KLF15: variants seen among roughly 807,000 people sequenced by gnomAD.
The protein encoded by KLF15 is KLF transcription factor 15.
KLF15 carries 4 observed loss-of-function variants against 24.6 expected under a neutral mutation model. The observed-to-expected ratio is 0.16, with a 90% confidence interval of 0.08 to 0.37. The LOEUF (loss-of-function observed/expected upper bound fraction) is 0.37. Ranked by LOEUF, KLF15 falls within the 10% of genes least tolerant of loss-of-function variation. KLF15 has a pLI of 1.00. For missense variants in KLF15, 496 were observed against 560.6 expected, an observed-to-expected ratio of 0.88 and a Z score of 1.16; for synonymous variants, 246 against 236.3, an observed-to-expected ratio of 1.04 and a Z score of -0.37.
At chr3:126,310,965 C>G in the KLF15 span, among the ~76,000 whole-genome samples, 2 of 152,130 alleles carry the variant, frequency 1.3e-5, no homozygotes, top group Non-Finnish European at 2.9e-5. Flanking sequence ...TCCCACTTGT[C>G]CATCGCCACC....
chr3:126,330,302 T>G, the KLF15 span, among the ~76,000 whole-genome samples: 2 of 152,334 alleles, frequency 1.3e-5, no homozygotes, highest in Non-Finnish European at 1.5e-5. Context: ...CAGGACTGTT[T>G]CAGAGCACTG....
At position 126,352,945 on chromosome 3, in the gene KLF15, C is replaced by T. The variant is rs369552179; in HGVS notation, c.-23G>A. ...CATGCTGGCCTGGCCGTGCCGGTGG[C>T]GGCTGCAGGAAAGGAACACAGGAGG... On this transcript the variant is annotated splice_region_variant and 5_prime_UTR_variant, in exon 2 of 3. Coordinates refer to ENST00000296233, the MANE Select transcript of KLF15 (RefSeq NM_014079.4). 25 of 1,573,678 alleles carry T rather than the reference C, an allele frequency of 1.6e-5. No individual in the cohort carries two copies. In the Middle Eastern group the frequency reaches 1.4e-3, roughly 86 times the overall value.
At chr3:126,297,245 C>T in the KLF15 span, among the ~76,000 whole-genome samples, 4 of 151,866 alleles carry the variant, frequency 2.6e-5, no homozygotes, top group Non-Finnish European at 5.9e-5. Context: ...CAGCCTTATT[C>T]ATCTTTATGC....
intron 1 of KLF15, chr3:126,354,235 A>G (rs2082612609): frequency 6.6e-6 from 1 of 152,296 alleles, no homozygotes; most frequent in African/African-American, 2.4e-5. Flanking sequence ...CACCTCTGTG[A>G]ACCTTTGTCC....
the KLF15 span, among the ~76,000 whole-genome samples, chr3:126,309,957 G>C: frequency 6.6e-6 from 1 of 152,216 alleles, no homozygotes; most frequent in African/African-American, 2.4e-5. Context: ...CGTTTGTCCC[G>C]CAAAAATGGA....
chr3:126,339,481 AGGAGTGTTTGAATGCTGC>A (rs2082463430), downstream of KLF15, among the ~76,000 whole-genome samples: 2 of 152,030 alleles, frequency 1.3e-5, no homozygotes, highest in South Asian at 4.1e-4. Context: ...TGCACTTTCC[AGGAGTGTTTGAATGCTGC>A]TCTCTTTGCC....
chr3:126,326,711 G>T, the KLF15 span, among the ~76,000 whole-genome samples: 1 of 152,180 alleles, frequency 6.6e-6, no homozygotes, highest in Admixed American at 6.5e-5. Context: ...GCTGAGGAGT[G>T]CTGGCAGAGG....
At chr3:126,291,710 G>A in the KLF15 span, among the ~76,000 whole-genome samples, 4 of 152,380 alleles carry the variant, frequency 2.6e-5, no homozygotes, top group East Asian at 7.7e-4. Flanking sequence ...TCTGTGACCA[G>A]GACTCTGCCA....
At chr3:126,342,542 C>G (rs1478217848), downstream of KLF15, 1 of 152,436 alleles carries the variant, frequency 6.6e-6, no homozygotes, top group Non-Finnish European at 1.5e-5. Flanking sequence ...AACAGAGTTC[C>G]CTGAACTCTG....
At chr3:126,349,916 G>T (rs1185274607) in intron 2 of KLF15, among the ~76,000 whole-genome samples, 1 of 152,194 alleles carries the variant, frequency 6.6e-6, no homozygotes, top group Non-Finnish European at 1.5e-5. Context: ...TGCCTTCAGG[G>T]TTCCTCCTCA....
downstream of KLF15, among the ~76,000 whole-genome samples, chr3:126,338,963 C>G (rs2082458598): frequency 6.6e-6 from 1 of 152,222 alleles, no homozygotes; most frequent in Non-Finnish European, 1.5e-5. Flanking sequence ...CGGCTGGGTT[C>G]TGAGAACAGC....
chr3:126,318,987 C>A, the KLF15 span, among the ~76,000 whole-genome samples: 1 of 152,190 alleles, frequency 6.6e-6, no homozygotes, highest in Non-Finnish European at 1.5e-5. Context: ...CCACTGGAAA[C>A]CACTGATCTG....
chr3:126,353,128 G>A (rs575942087), intron 1 of KLF15, among the ~76,000 whole-genome samples, 181 bp from the exon 2 acceptor site: 118 of 152,320 alleles, frequency 7.7e-4, no homozygotes, highest in African/African-American at 2.8e-3. Context: ...TGCACCACCT[G>A]TTTGCAAAAG....
chr3:126,293,234 G>A, the KLF15 span, among the ~76,000 whole-genome samples: 10 of 151,914 alleles, frequency 6.6e-5, no homozygotes, highest in Middle Eastern at 3.2e-3. Context: ...AGAATCGCTT[G>A]AGCTGGGTAT....
At chr3:126,340,036 G>A (rs1440528265), downstream of KLF15, among the ~76,000 whole-genome samples, 4 of 152,180 alleles carry the variant, frequency 2.6e-5, no homozygotes, top group Admixed American at 6.5e-5. Context: ...GAATGTGGAC[G>A]AGGCCATGGG....
the KLF15 span, among the ~76,000 whole-genome samples, chr3:126,320,966 G>A: frequency 6.6e-6 from 1 of 152,148 alleles, no homozygotes; most frequent in Non-Finnish European, 1.5e-5. Context: ...TTGATCCTCA[G>A]TCCCGGAAAG....
the KLF15 span, among the ~76,000 whole-genome samples, chr3:126,292,721 G>A: frequency 6.6e-5 from 10 of 152,040 alleles, no homozygotes; most frequent in Non-Finnish European, 1.2e-4. Flanking sequence ...GACGAGGGGA[G>A]GGAAGCAGCC....
the KLF15 span, among the ~76,000 whole-genome samples, chr3:126,322,695 C>A: frequency 6.6e-5 from 10 of 152,334 alleles, no homozygotes; most frequent in African/African-American, 2.4e-4. Context: ...AACTTCAAAT[C>A]ATAGGTTTAA....
intron 1 of KLF15, among the ~76,000 whole-genome samples, chr3:126,353,422 C>T (rs1337414450): frequency 1.3e-5 from 2 of 152,232 alleles, no homozygotes; most frequent in East Asian, 3.9e-4. Context: ...GCCCTCTGAC[C>T]CTCATGTTGC....
Sources: allele counts gnomAD v4.1 joint callset (sites outside exome capture counted in the v4.1 genomes callset), GRCh38; gene constraint gnomAD v4.1.1; transcripts MANE v1.5; gene names NCBI Gene and HGNC (gene_info 2026-07-23, HGNC 2026-07-21).